VPS35: variants seen among roughly 807,000 people sequenced by gnomAD.
The protein encoded by VPS35 is vacuolar protein sorting-associated protein 35.
A neutral mutation model predicts 98.1 loss-of-function variants in VPS35; 21 were observed. The observed-to-expected ratio is 0.21, with a 90% CI of 0.15 to 0.31. The LOEUF (loss-of-function observed/expected upper bound fraction) is 0.31, where lower values mean the gene tolerates loss of function less well. Ranked by LOEUF, VPS35 falls within the 10% of genes least tolerant of loss-of-function variation. The pLI, the probability that VPS35 is intolerant of heterozygous loss-of-function variation, is 1.00. For synonymous variants in VPS35, 268 were observed against 318.2 expected, an observed-to-expected ratio of 0.84 and a Z score of 1.68; for missense variants, 554 against 950.8, an observed-to-expected ratio of 0.58 and a Z score of 5.49.
chr16:46,688,786 C>T (rs903453625), intron 1 of VPS35: 37 of 1,323,476 alleles, frequency 2.8e-5, no homozygotes, highest in Admixed American at 1.6e-4. Context: ...GACGCTCAGA[C>T]CTAGGACTAC....
intron 2 of VPS35, chr16:46,682,555 A>C: frequency 4.2e-6 from 1 of 236,598 alleles, no homozygotes; most frequent in Non-Finnish European, 8.5e-6. Flanking sequence ...TGGGTTAAAG[A>C]CTCTTCAGAG....
At chr16:46,665,379 T>C (rs760182123) in intron 13 of VPS35, among the ~76,000 whole-genome samples, 1 of 152,112 alleles carries the variant, frequency 6.6e-6, no homozygotes, top group Non-Finnish European at 1.5e-5. Context: ...GGAGGATCGC[T>C]TGAGCCCAAG....
At chr16:46,685,132 TA>T (rs1480625487) in intron 1 of VPS35, among the ~76,000 whole-genome samples, 1 of 152,242 alleles carries the variant, frequency 6.6e-6, no homozygotes, top group African/African-American at 2.4e-5. Flanking sequence ...TGCCACTTTA[TA>T]AATTGTTCAC....
chr16:46,668,071 T>C (rs1422170589), intron 13 of VPS35, among the ~76,000 whole-genome samples: 1 of 152,188 alleles, frequency 6.6e-6, no homozygotes, highest in Non-Finnish European at 1.5e-5. Context: ...GTCTACTGCA[T>C]ACATCTTTTT....
chr16:46,689,137 G>C lies in VPS35; in HGVS notation c.-4C>G, dbSNP rs775449983. The C allele has an allele frequency of 6.2e-7, 1 of 1,609,006 alleles. No homozygotes were observed. ...CTGCCCCCTCAGCACTCACCATGGCGACTCCCCAGAGCCTGCAGCAAGCAG... is the reference window on the plus strand; with the variant it reads ...CTGCCCCCTCAGCACTCACCATGGCCACTCCCCAGAGCCTGCAGCAAGCAG... On this transcript the variant is annotated 5_prime_UTR_variant, in exon 1 of 17. Transcript: ENST00000299138.
Position 46,671,685 on chromosome 16 carries a change from T to A in VPS35, c.1524+20A>T. 1.9e-6 allele frequency: 3 copies of A among 1,614,046 alleles called. No homozygotes were observed. The highest frequency in any genetic ancestry group is 2.5e-6 in the Non-Finnish European group (3 of 1,179,914). On this transcript the variant is annotated intron_variant, in intron 12 of 16. Transcript: ENST00000299138. ...TTCACTAGGAGCTGATACAGGGATA[T>A]ACTAAGGGTAAACTCATACCAAGTA...
rs977203062 is a variant in VPS35 at position 46,660,392 on chromosome 16, CA to C, written c.*79del. The C allele has an allele frequency of 1.3e-5, 20 of 1,574,274 alleles. No individual in the cohort carries two copies. The Admixed American group carries it at 3.2e-4, about 25-fold the overall frequency. ...CCTACCTCAGCATTTCTGAAAGGCACAATCTATGGAAGGGAAACCTAGCGTA... is the reference window on the plus strand; with the variant it reads ...CCTACCTCAGCATTTCTGAAAGGCACATCTATGGAAGGGAAACCTAGCGTA... On this transcript the variant is annotated 3_prime_UTR_variant, in exon 17 of 17. Coordinates refer to ENST00000299138, the MANE Select transcript of VPS35 (RefSeq NM_018206.6).
intron 5 of VPS35, 64 bp downstream of exon 5, chr16:46,680,607 A>G: frequency 6.5e-7 from 1 of 1,540,428 alleles, no homozygotes; most frequent in Admixed American, 1.8e-5. Context: ...ATATGTTTCC[A>G]CACTTTTATA....
At chr16:46,673,726 A>T (rs1476584500) in intron 10 of VPS35, 7 of 154,948 alleles carry the variant, frequency 4.5e-5, no homozygotes, top group African/African-American at 1.7e-4. Context: ...TTAAATATAC[A>T]TAGCCCCTCA....
At chr16:46,672,154 G>C in intron 11 of VPS35, 111 bp downstream of exon 11, 1 of 943,248 alleles carries the variant, frequency 1.1e-6, no homozygotes, top group East Asian at 2.6e-5. Context: ...AAAGTTACTT[G>C]TAAATTTTAT....
At chr16:46,678,842 T>C (rs1966190387) in intron 6 of VPS35, 101 bp downstream of exon 6, 16 of 1,207,064 alleles carry the variant, frequency 1.3e-5, no homozygotes, top group Admixed American at 2.1e-5. Context: ...CATTTTAAGA[T>C]GTTTTTCAAT....
intron 7 of VPS35, 27 bp downstream of exon 7, chr16:46,677,287 TA>T (rs535490916): frequency 1.7e-4 from 267 of 1,564,496 alleles, no homozygotes; most frequent in African/African-American, 3.5e-4. Context: ...ATAGGTCGTT[TA>T]AAAAAAAATG....
rs1965857258 is a variant in VPS35 at position 46,657,964 on chromosome 16, A to C, written c.*2508T>G. 1 of 152,252 alleles carries C rather than the reference A, an allele frequency of 6.6e-6. No individual in the cohort carries two copies. Among genetic ancestry groups the C allele is most frequent in the Non-Finnish European group, 1.5e-5 (1 of 68,050 alleles). The allele number at this position is 152,252 out of a possible 1,614,324, so 9.4% of individuals were successfully genotyped here. ...TAAGACACAATAAAAATTACTAAAA[A>C]AGGAGAACAGGGAATAGCAGACACA... On this transcript the variant is annotated 3_prime_UTR_variant, in exon 17 of 17. Coordinates refer to ENST00000299138, the MANE Select transcript of VPS35 (RefSeq NM_018206.6).
rs761099775 is a variant in VPS35 at position 46,661,895 on chromosome 16, T to A, written c.2068-34A>T. The A allele has an allele frequency of 1.9e-6, 3 of 1,613,772 alleles. No homozygotes were observed. The highest frequency in any genetic ancestry group is 1.3e-5 in the African/African-American group (1 of 75,034). On this transcript the variant is annotated intron_variant, in intron 15 of 16. Coordinates refer to ENST00000299138, the MANE Select transcript of VPS35 (RefSeq NM_018206.6). The surrounding 1 kb of genome is among the most constrained non-coding windows in gnomAD (Gnocchi z 4.3). The stretch of plus-strand genomic sequence containing the variant: ...AAAGGGCAGGGGGACAGTGAAGAGA[T>A]TAATGAAACATCTCGTTTTCATACA...
intron 13 of VPS35, among the ~76,000 whole-genome samples, chr16:46,667,482 TTTTTTGCTTATTTTAAACTTA>T (rs1291770035): frequency 3.9e-5 from 6 of 152,198 alleles, no homozygotes; most frequent in Admixed American, 2.0e-4. Context: ...TTTTTGCTTA[TTTTTTGCTTATTTTAAACTTA>T]TTTTTGCTTA....
At chr16:46,663,980 G>A (rs2143006118) in intron 13 of VPS35, among the ~76,000 whole-genome samples, 1 of 145,354 alleles carries the variant, frequency 6.9e-6, no homozygotes, top group East Asian at 2.1e-4. Flanking sequence ...CAAAGTGTTG[G>A]GATTACAGGC....
chr16:46,663,873 T>A (rs1161083270), intron 13 of VPS35, among the ~76,000 whole-genome samples: 1 of 103,278 alleles, frequency 9.7e-6, no homozygotes, highest in East Asian at 2.9e-4. Context: ...TTTTTTTTTT[T>A]TTTTTTTTTT....
chr16:46,678,851 A>G (rs756209573), intron 6 of VPS35, 92 bp downstream of exon 6: 1 of 1,318,536 alleles, frequency 7.6e-7, no homozygotes, highest in Non-Finnish European at 1.1e-6. Context: ...ATGTTTTTCA[A>G]TGTACTATTG....
chr16:46,680,840 T>C lies in VPS35; in HGVS notation c.337A>G (p.Thr113Ala). ...GACTTGACATATACAACTCCAACTG[T>C]GATCAAAAGGTAACTAGGAAAATTA... ...NIIPRLYLLITVGVVYVKSFP... is the reference protein window; with the variant it reads ...NIIPRLYLLIAVGVVYVKSFP... The change falls in exon 5 of 17, where the codon ACA becomes GCA. Residue 113 changes from threonine (T) to alanine (A), a missense_variant. Thr to Ala is a moderately conservative substitution (Grantham distance 58). Around this residue, in one of 5 missense-constraint regions of VPS35, gnomAD observed 77 missense variants for 222.3 expected, o/e 0.35. Transcript: ENST00000299138. The C allele has an allele frequency of 6.2e-7, 1 of 1,613,862 alleles. No individual in the cohort carries two copies. The highest frequency in any genetic ancestry group is 8.5e-7 in the Non-Finnish European group (1 of 1,179,832).
Sources: gnomAD v4.1 joint callset for allele counts (sites outside exome capture counted in the v4.1 genomes callset) on GRCh38, gnomAD v4.1.1 for gene constraint, gnomAD v4.1.1 regional missense constraint, Gnocchi (gnomAD v3.1) non-coding constraint, MANE v1.5 for transcripts, NCBI Gene and HGNC (gene_info 2026-07-23, HGNC 2026-07-21) for gene names.